The following ZFP92 variants were observed in gnomAD, a reference collection of about 807,000 sequenced individuals.
The protein encoded by ZFP92 is zinc finger protein 92 homolog.
In ZFP92, 2 loss-of-function variants were observed where a neutral mutation model predicts 7.6. That is an observed-to-expected ratio of 0.26 (90% CI 0.11 to 0.83). The LOEUF (loss-of-function observed/expected upper bound fraction) is 0.83. Among genes scored for constraint, ZFP92 ranks in the 40% least tolerant of loss-of-function variants. The pLI is 0.65. For missense variants in ZFP92, 324 were observed against 408.3 expected (o/e 0.79, Z 1.78); for synonymous variants, 226 against 183.6 (o/e 1.23, Z -1.87).
In ZFP92 at chrX:153,421,920, C is replaced by A; in HGVS notation, c.*292C>A. The A allele has an allele frequency of 1.0e-5, 2 of 192,186 alleles. No individual in the cohort carries two copies. The highest frequency in any genetic ancestry group is 1.9e-5 in the Non-Finnish European group (2 of 105,407). 15.8% of individuals were successfully genotyped at this position (192,186 alleles called of 1,213,427 possible). On this transcript the variant is annotated 3_prime_UTR_variant, in exon 6 of 6. Coordinates refer to ENST00000338647, the MANE Select transcript of ZFP92 (RefSeq NM_001136273.2). ...CCCTCCTGAGTCCTGGGCCTTGCAACTGAGGCACATAGATGGCACCTGGGC... is the reference window on the plus strand; with the variant it reads ...CCCTCCTGAGTCCTGGGCCTTGCAAATGAGGCACATAGATGGCACCTGGGC...
rs140854514 is a variant in ZFP92 at position 153,420,668 on chromosome X, G to A, written c.291G>A (p.Ser97=). 2.0e-3 allele frequency: 2,236 copies of A among 1,114,734 alleles called. 20 individuals are homozygous for A. In the African/African-American group the frequency reaches 0.037, roughly 18 times the overall value. 91.9% of individuals were successfully genotyped at this position (1,114,734 alleles called of 1,213,427 possible). A position where few individuals can be genotyped will look rare whatever the true frequency, so the allele number is the denominator to read the frequency against. The change falls in exon 6 of 6, where the codon TCG becomes TCA. Residue 97 remains serine, a synonymous_variant. Coordinates refer to ENST00000338647, the MANE Select transcript of ZFP92 (RefSeq NM_001136273.2). Reference sequence around the variant, plus strand: ...GTGACAGAACACAGAGCAAGACGTCGACTTCAACGCAGAAGCATTCTGGAC... The same window carrying A: ...GTGACAGAACACAGAGCAAGACGTCAACTTCAACGCAGAAGCATTCTGGAC... ...HIGDRTQSKT[S]TSTQKHSGRQ...
In ZFP92 at chrX:153,421,623, C is replaced by T. The variant is rs1281128433; in HGVS notation, c.1246C>T (p.Arg416Cys). 56 of 983,371 alleles carry T rather than the reference C, an allele frequency of 5.7e-5. No individual in the cohort carries two copies. The highest frequency in any genetic ancestry group is 1.2e-4 in the Admixed American group (2 of 17,097). The allele number at this position is 983,371 out of a possible 1,213,427, so 81.0% of individuals were successfully genotyped here. Residue 416 changes from arginine to cysteine, a missense_variant, in exon 6 of 6, where the codon CGC becomes TGC. By Grantham distance (180) the Arg-to-Cys change is radical (BLOSUM62 -3). Coordinates refer to ENST00000338647, the MANE Select transcript of ZFP92 (RefSeq NM_001136273.2). ...TAARPSRPSRR is the reference protein window; with the variant it reads ...TAARPSRPSRC ...CGCCAGGCCTTCCAGGCCCAGCCGCCGCTGACTCCCCGCCAGCGCACCCAG... is the reference window on the plus strand; with the variant it reads ...CGCCAGGCCTTCCAGGCCCAGCCGCTGCTGACTCCCCGCCAGCGCACCCAG...
chrX:153,420,064 T>TGCCCTC (rs2088985609), intron 4 of ZFP92, among the ~76,000 whole-genome samples, 164 bp from the exon 5 acceptor site: 2 of 112,583 alleles, frequency 1.8e-5, no homozygotes, highest in Non-Finnish European at 3.8e-5. Context: ...CAGGAGCCCT[T>TGCCCTC]GCCCTCGTAG....
chrX:153,419,160 T>C (rs1556974448), intron 4 of ZFP92, among the ~76,000 whole-genome samples: 3 of 113,182 alleles, frequency 2.7e-5, no homozygotes, highest in Non-Finnish European at 3.7e-5. Context: ...TTCGTTTCTA[T>C]GACGGCTGCA....
rs984563893 is a variant in ZFP92, at chrX:153,411,969, C to T, written c.-63C>T. On this transcript the variant is annotated 5_prime_UTR_variant, in exon 2 of 6. Transcript: ENST00000338647. ...TCTCTCCTGATTGGTTTCCAGCCAC[C>T]GGTCCCGAGGCTGGCTAAAGAGCAT... Among the ~76,000 whole-genome samples the T allele has an allele frequency of 1.8e-5, 2 of 112,774 alleles. No individual in the cohort carries two copies. Among genetic ancestry groups the T allele is most frequent in the African/African-American group, 3.2e-5 (1 of 31,074 alleles).
At position 153,421,707 on chromosome X, in the gene ZFP92, G is replaced by A; in HGVS notation, c.*79G>A. 2 of 907,450 alleles carry A rather than the reference G, an allele frequency of 2.2e-6. No homozygotes were observed. The highest frequency in any genetic ancestry group is 2.7e-6 in the Non-Finnish European group (2 of 736,355). The allele number at this position is 907,450 out of a possible 1,213,427, so 74.8% of individuals were successfully genotyped here. On this transcript the variant is annotated 3_prime_UTR_variant, in exon 6 of 6. Transcript: ENST00000338647. ...GGACGTCGAGGCTCAGCCCCCTTCA[G>A]GTGGGAAGACCGCCCTCCCAGGGCC...
intron 2 of ZFP92, among the ~76,000 whole-genome samples, chrX:153,414,972 G>A (rs1434910589): frequency 8.8e-6 from 1 of 113,707 alleles, no homozygotes; most frequent in Non-Finnish European, 1.9e-5. Flanking sequence ...GGGCCACACA[G>A]AGGTTAGACC....
intron 2 of ZFP92, among the ~76,000 whole-genome samples, chrX:153,416,890 G>A (rs1256946895): frequency 8.9e-6 from 1 of 111,840 alleles, no homozygotes; most frequent in African/African-American, 3.3e-5. Flanking sequence ...CGCACGGCAT[G>A]TGCAGAGATC....
intron 2 of ZFP92, among the ~76,000 whole-genome samples, chrX:153,417,573 T>C (rs1024466904): frequency 8.9e-6 from 1 of 111,942 alleles, no homozygotes; most frequent in African/African-American, 3.3e-5. Flanking sequence ...GGCTGGAAAG[T>C]TGGGGTCAGG....
intron 4 of ZFP92, among the ~76,000 whole-genome samples, chrX:153,419,414 G>A (rs1322270766): frequency 1.8e-5 from 2 of 112,621 alleles, no homozygotes; most frequent in African/African-American, 3.2e-5. Flanking sequence ...ACGGATGGGG[G>A]CCGGAGCACT....
rs1569529558 is a variant in ZFP92 at position 153,418,363 on chromosome X, G to A, written c.33+8G>A. The A allele has an allele frequency of 8.6e-7, 1 of 1,167,191 alleles. No individual in the cohort carries two copies. The highest frequency in any genetic ancestry group is 1.9e-5 in the South Asian group (1 of 52,647). ...CTGACCACGAGACCCAAGGTGAGTG[G>A]TGGCCCCTCTCCCTGGCCTCTCCCC... On this transcript the variant is annotated splice_region_variant and intron_variant, in intron 3 of 5. Transcript: ENST00000338647.
At position 153,418,718 on chromosome X, in the gene ZFP92, G is replaced by C; in HGVS notation, c.79G>C (p.Glu27Gln). Residue 27 changes from glutamate to glutamine, a missense_variant, in exon 4 of 6, where the codon GAA (glutamate) becomes CAA (glutamine). Glu to Gln is a conservative substitution (Grantham distance 29). Coordinates refer to ENST00000338647, the MANE Select transcript of ZFP92 (RefSeq NM_001136273.2). The stretch of plus-strand genomic sequence containing the variant: ...TGTGTCCGTGTACTTCACAAAGACA[G>C]AATGGAAGCTTCTGGACCTCAGACA... Reference protein sequence around the residue: ...EDVSVYFTKTEWKLLDLRQKV... With the variant: ...EDVSVYFTKTQWKLLDLRQKV... The C allele has an allele frequency of 8.6e-7, 1 of 1,168,114 alleles. No homozygotes were observed. The highest frequency in any genetic ancestry group is 1.1e-6 in the Non-Finnish European group (1 of 873,138).
intron 2 of ZFP92, among the ~76,000 whole-genome samples, 123 bp downstream of exon 2, chrX:153,412,136 T>C (rs1556973074): frequency 8.9e-6 from 1 of 112,411 alleles, no homozygotes; most frequent in Non-Finnish European, 1.9e-5. Flanking sequence ...ATGCCCAAAA[T>C]TGTGCTCCAG....
chrX:153,421,431 G>A lies in ZFP92; in HGVS notation c.1054G>A (p.Asp352Asn). 1 of 1,153,282 alleles carries A rather than the reference G, an allele frequency of 8.7e-7. No individual in the cohort carries two copies. Among genetic ancestry groups the A allele is most frequent in the Non-Finnish European group, 1.1e-6 (1 of 870,972 alleles). Residue 352 changes from aspartate to asparagine, a missense_variant, in exon 6 of 6, where the codon GAC (aspartate) becomes AAC (asparagine). Coordinates refer to ENST00000338647, the MANE Select transcript of ZFP92 (RefSeq NM_001136273.2). Reference protein sequence around the residue: ...HSGEKPYECSDCGKAFGRRAN... With the variant: ...HSGEKPYECSNCGKAFGRRAN... ...CGGTGAGAAGCCCTACGAGTGCAGC[G>A]ACTGCGGCAAGGCCTTCGGCCGGCG...
In ZFP92 at chrX:153,424,311, G is replaced by A. The variant is rs1036969255; in HGVS notation, c.*2683G>A. The A allele has an allele frequency of 1.8e-5, 2 of 112,192 alleles. No individual in the cohort carries two copies. Among genetic ancestry groups the A allele is most frequent in the Admixed American group, 1.9e-4 (2 of 10,608 alleles). 9.2% of individuals were successfully genotyped at this position (112,192 alleles called of 1,213,427 possible). ...TAGTGCAGCCTTTTATCATTGCTTA[G>A]TCTAATTTAGCTCCCCATAATGACA... On this transcript the variant is annotated 3_prime_UTR_variant, in exon 6 of 6. Transcript: ENST00000338647.
intron 2 of ZFP92, among the ~76,000 whole-genome samples, chrX:153,416,533 C>T (rs1025051684): frequency 2.7e-5 from 3 of 111,381 alleles, no homozygotes; most frequent in Non-Finnish European, 3.8e-5. Context: ...ATCCTGTGCC[C>T]TCTCCCTCTC....
In ZFP92 at chrX:153,425,802, G is replaced by A. The variant is rs375520223; in HGVS notation, c.*4174G>A. The A allele has an allele frequency of 9.0e-6, 1 of 111,140 alleles. No homozygotes were observed. Among genetic ancestry groups the A allele is most frequent in the African/African-American group, 3.3e-5 (1 of 30,552 alleles). The allele number at this position is 111,140 out of a possible 1,213,427, so 9.2% of individuals were successfully genotyped here. A position where few individuals can be genotyped will look rare whatever the true frequency, so the allele number is the denominator to read the frequency against. On this transcript the variant is annotated 3_prime_UTR_variant, in exon 6 of 6. Transcript: ENST00000338647. ...CTATCACTGTCTTCACAAAACGGGG[G>A]TCCTCCAGGAGTTCTGGACAGCTGC...
Position 153,418,886 on chromosome X carries a change from G to A in ZFP92, c.160+87G>A, listed in dbSNP as rs1041920131. 1.1e-4 allele frequency: 123 copies of A among 1,084,469 alleles called. No homozygotes were observed. The African/African-American group carries it at 1.8e-3, about 16-fold the overall frequency. 89.4% of individuals were successfully genotyped at this position (1,084,469 alleles called of 1,213,427 possible). On this transcript the variant is annotated intron_variant, in intron 4 of 5. Transcript: ENST00000338647. ...TTTATTTCCGAGATTCCTGTTTGTCGGTTGCTATGAGCCCAAGAATAAATG... is the reference window on the plus strand; with the variant it reads ...TTTATTTCCGAGATTCCTGTTTGTCAGTTGCTATGAGCCCAAGAATAAATG...
intron 2 of ZFP92, among the ~76,000 whole-genome samples, chrX:153,416,541 C>G (rs919901846): frequency 9.0e-6 from 1 of 111,439 alleles, no homozygotes; most frequent in Non-Finnish European, 1.9e-5. Context: ...CCCTCTCCCT[C>G]TCTCCTGTGG....
Sources: allele counts gnomAD v4.1 joint callset (sites outside exome capture counted in the v4.1 genomes callset), GRCh38; gene constraint gnomAD v4.1.1; transcripts MANE v1.5; gene names NCBI Gene and HGNC (gene_info 2026-07-23, HGNC 2026-07-21).